Variants in CCDC192 observed in about 807,000 individuals in gnomAD.
The protein encoded by CCDC192 is coiled-coil domain containing 192, also known as coiled-coil domain-containing protein 192.
chr5:127,898,645 G>A (rs1752959875), intron 6 of CCDC192, among the ~76,000 whole-genome samples: 2 of 152,084 alleles, frequency 1.3e-5, no homozygotes, highest in South Asian at 4.1e-4. Context: ...CATGCAAGAA[G>A]GTTTTTTGAC....
At chr5:127,738,595 C>T (rs1385423184) in intron 2 of CCDC192, among the ~76,000 whole-genome samples, 1 of 147,840 alleles carries the variant, frequency 6.8e-6, no homozygotes, top group Non-Finnish European at 1.5e-5. Flanking sequence ...GGTCTTTTCA[C>T]ATAGTCCCAT....
At chr5:127,780,054 C>A (rs1047724226) in intron 3 of CCDC192, among the ~76,000 whole-genome samples, 3 of 152,030 alleles carry the variant, frequency 2.0e-5, no homozygotes, top group African/African-American at 7.2e-5. Flanking sequence ...GCTGCAAATG[C>A]CATTAATTCA....
At chr5:127,883,347 A>T (rs1752429440) in intron 6 of CCDC192, among the ~76,000 whole-genome samples, 2 of 152,228 alleles carry the variant, frequency 1.3e-5, no homozygotes, top group African/African-American at 4.8e-5. Context: ...ACACACCAGC[A>T]ATTAACAGTG....
intron 5 of CCDC192, among the ~76,000 whole-genome samples, chr5:127,832,458 T>G (rs1348101653): frequency 1.3e-5 from 2 of 152,138 alleles, no homozygotes; most frequent in Non-Finnish European, 2.9e-5. Context: ...ATCGCATTAA[T>G]GTGAAAATTT....
chr5:127,745,819 T>C (rs937857068), intron 2 of CCDC192, among the ~76,000 whole-genome samples: 4 of 152,220 alleles, frequency 2.6e-5, no homozygotes, highest in Non-Finnish European at 4.4e-5. Context: ...ACAAATTGCA[T>C]GTGTCCACAC....
At chr5:127,906,853 C>G (rs991331572) in intron 6 of CCDC192, among the ~76,000 whole-genome samples, 1 of 152,128 alleles carries the variant, frequency 6.6e-6, no homozygotes, top group African/African-American at 2.4e-5. Flanking sequence ...GGGTACATAG[C>G]TAGAAGTGAA....
chr5:127,893,573 G>A (rs2127158308), intron 6 of CCDC192, among the ~76,000 whole-genome samples: 1 of 152,248 alleles, frequency 6.6e-6, no homozygotes, highest in Admixed American at 6.5e-5. Context: ...AAACACGTAG[G>A]CTTTTGATAA....
At chr5:127,808,216 G>A (rs1391859714) in intron 5 of CCDC192, among the ~76,000 whole-genome samples, 3 of 152,074 alleles carry the variant, frequency 2.0e-5, no homozygotes, top group Non-Finnish European at 4.4e-5. Context: ...TTATGTTAGG[G>A]CATGAATTGT....
rs560060524 is a variant in CCDC192, at chr5:127,707,759, C to T, written c.113C>T (p.Ser38Leu). 9 of 397,712 alleles carry T rather than the reference C, an allele frequency of 2.3e-5. No individual in the cohort carries two copies. The highest frequency in any genetic ancestry group is 8.8e-5 in the Admixed American group (2 of 22,608). 24.6% of individuals were successfully genotyped at this position (397,712 alleles called of 1,614,324 possible). A position where few individuals can be genotyped will look rare whatever the true frequency, so the allele number is the denominator to read the frequency against. ...GATATACCACAAGAAAACAAAGTATCGGTAAGAAATGAAGTTTGTATGAAT... is the reference window on the plus strand; with the variant it reads ...GATATACCACAAGAAAACAAAGTATTGGTAAGAAATGAAGTTTGTATGAAT... ...ESDIPQENKV[S>L]KASLDTGQMA... Residue 38 changes from serine to leucine, a missense_variant and splice_region_variant, in exon 2 of 7, where the codon TCG becomes TTG. By Grantham distance (145) the Ser-to-Leu change is moderately radical. Coordinates refer to ENST00000514853, the MANE Select transcript of CCDC192 (RefSeq NM_001317938.2).
intron 6 of CCDC192, among the ~76,000 whole-genome samples, chr5:127,934,722 A>G (rs1165131476): frequency 3.3e-5 from 5 of 152,348 alleles, no homozygotes; most frequent in South Asian, 2.1e-4. Context: ...AAAAATCTAG[A>G]GGATAGAAAA....
intron 5 of CCDC192, among the ~76,000 whole-genome samples, chr5:127,815,287 C>T (rs910452976): frequency 1.3e-5 from 2 of 152,124 alleles, no homozygotes. Flanking sequence ...GCAGAGCAAA[C>T]TAAATCTGAG....
chr5:127,903,631 C>T (rs1753115321), intron 6 of CCDC192, among the ~76,000 whole-genome samples: 1 of 152,118 alleles, frequency 6.6e-6, no homozygotes, highest in African/African-American at 2.4e-5. Context: ...TGAGTGGAGC[C>T]TCCAATAATG....
At position 127,832,024 on chromosome 5, in the gene CCDC192, T is replaced by C. The variant is rs558884050; in HGVS notation, c.411+33862T>C. Among the ~76,000 whole-genome samples, 309 of 151,902 alleles carry C rather than the reference T, an allele frequency of 2.0e-3. 1 individual carries two copies. Among genetic ancestry groups the C allele is most frequent in the African/African-American group, 6.8e-3 (282 of 41,478 alleles). ...ATAATTAAAGGAATAGAAAAAAATA[T>C]GAACCCTGGCAAATCAATTTTTAAA... On this transcript the variant is annotated intron_variant, in intron 5 of 6. Transcript: ENST00000514853.
At chr5:127,818,213 A>G (rs1561505952) in intron 5 of CCDC192, among the ~76,000 whole-genome samples, 1 of 152,192 alleles carries the variant, frequency 6.6e-6, no homozygotes, top group Admixed American at 6.5e-5. Flanking sequence ...ACTTGATAAG[A>G]GTCTAAAATA....
chr5:127,777,588 G>C (rs1050505923), intron 3 of CCDC192, among the ~76,000 whole-genome samples: 1 of 152,130 alleles, frequency 6.6e-6, no homozygotes, highest in Admixed American at 6.5e-5. Flanking sequence ...GGAAGATCCA[G>C]GGGTGGAATG....
intron 3 of CCDC192, among the ~76,000 whole-genome samples, chr5:127,764,652 T>C (rs1352590564): frequency 6.6e-6 from 1 of 152,140 alleles, no homozygotes; most frequent in African/African-American, 2.4e-5. Context: ...GTCTAATCTT[T>C]TGGCTTCTCT....
chr5:127,847,403 A>G (rs191816857), intron 5 of CCDC192, among the ~76,000 whole-genome samples: 107 of 152,358 alleles, frequency 7.0e-4, no homozygotes, highest in Admixed American at 2.9e-3. Flanking sequence ...TTTAAAGACC[A>G]ATCTACTTTC....
intron 5 of CCDC192, among the ~76,000 whole-genome samples, chr5:127,822,366 C>T (rs557200936): frequency 6.6e-6 from 1 of 152,214 alleles, no homozygotes; most frequent in Admixed American, 6.5e-5. Flanking sequence ...TCATTCATTC[C>T]TTTCTAAAAT....
intron 5 of CCDC192, among the ~76,000 whole-genome samples, chr5:127,839,131 A>C (rs1031507166): frequency 6.6e-6 from 1 of 152,368 alleles, no homozygotes; most frequent in Non-Finnish European, 1.5e-5. Flanking sequence ...TAACTTAAAA[A>C]TAAGTATAAA....
Sources: allele counts gnomAD v4.1 joint callset (sites outside exome capture counted in the v4.1 genomes callset), GRCh38; gene constraint gnomAD v4.1.1; transcripts MANE v1.5; gene names NCBI Gene and HGNC (gene_info 2026-07-23, HGNC 2026-07-21).